SND1: variants seen among roughly 807,000 people sequenced by gnomAD.
The protein encoded by SND1 is staphylococcal nuclease and tudor domain containing 1.
In SND1, 38 loss-of-function variants were observed where a neutral mutation model predicts 121.7. The ratio of observed to expected loss-of-function variants is 0.31; its 90% confidence interval spans 0.24 to 0.41. The LOEUF (loss-of-function observed/expected upper bound fraction) is 0.41, where lower values mean the gene tolerates loss of function less well. Ranked by LOEUF, SND1 falls within the 10% of genes least tolerant of loss-of-function variation. The pLI, the probability that SND1 is intolerant of heterozygous loss-of-function variation, is 1.00. For synonymous variants in SND1, 401 were observed against 447.4 expected (o/e 0.90, Z 1.31); for missense variants, 868 against 1,184.6 (o/e 0.73, Z 3.92).
chr7:127,922,063 T>G (rs966162922), intron 14 of SND1, among the ~76,000 whole-genome samples: 1 of 151,872 alleles, frequency 6.6e-6, no homozygotes, highest in Admixed American at 6.6e-5. Context: ...CCATCACTGC[T>G]CACTGTAGCC....
chr7:127,936,333 T>G (rs1386355432), intron 15 of SND1, among the ~76,000 whole-genome samples: 1 of 152,184 alleles, frequency 6.6e-6, no homozygotes, highest in Non-Finnish European at 1.5e-5. Context: ...AGCCTGCATT[T>G]GTTAAAAAGC....
chr7:127,665,932 A>G (rs1053910200), intron 1 of SND1, among the ~76,000 whole-genome samples: 1 of 152,190 alleles, frequency 6.6e-6, no homozygotes, highest in African/African-American at 2.4e-5. Context: ...CCCGGTGTGT[A>G]AGGTAGAGGG....
chr7:128,089,836 G>GT lies in SND1; in HGVS notation c.2622+151dup, dbSNP rs566956545. The GT allele has an allele frequency of 2.5e-3, 1,906 of 747,516 alleles. 3 individuals carry two copies. The highest frequency in any genetic ancestry group is 3.8e-3 in the Admixed American group (133 of 34,884). 46.3% of individuals were successfully genotyped at this position (747,516 alleles called of 1,614,324 possible). On this transcript the variant is annotated intron_variant, in intron 22 of 23. Transcript: ENST00000354725. The stretch of plus-strand genomic sequence containing the variant: ...AGATAATGGATTTGGGTTTGTTGGT[G>GT]TTTTTTTGTTTTTGTTTTAAAGCTA...
At chr7:127,926,827 G>C (rs1196380569) in intron 14 of SND1, among the ~76,000 whole-genome samples, 1 of 151,578 alleles carries the variant, frequency 6.6e-6, no homozygotes, top group Non-Finnish European at 1.5e-5. Context: ...TCCTGACCTC[G>C]TGATTTGCCT....
intron 12 of SND1, among the ~76,000 whole-genome samples, chr7:127,849,592 C>T (rs1799128749): frequency 6.6e-6 from 1 of 152,154 alleles, no homozygotes. Flanking sequence ...CCTATTGTTT[C>T]CCATTATGTG....
At chr7:128,080,472 G>T (rs322827) in intron 17 of SND1, among the ~76,000 whole-genome samples, 57,178 of 152,078 alleles carry the variant, frequency 0.38, 11,185 homozygotes, top group African/African-American at 0.45. Context: ...TGGAGAAAGG[G>T]AAAGTTGCTG....
intron 15 of SND1, among the ~76,000 whole-genome samples, chr7:127,980,273 C>T (rs1242166921): frequency 3.4e-5 from 2 of 58,582 alleles, no homozygotes; most frequent in East Asian, 4.8e-4. Context: ...CCACTACGCC[C>T]GGCTAATTTT....
chr7:128,086,632 C>G (rs1194744030), intron 20 of SND1: 2 of 426,928 alleles, frequency 4.7e-6, no homozygotes, highest in Non-Finnish European at 8.7e-6. Context: ...GACAGAAGGG[C>G]ATTGGGAGGA....
At chr7:127,953,022 G>A (rs1801497365) in intron 15 of SND1, among the ~76,000 whole-genome samples, 1 of 152,062 alleles carries the variant, frequency 6.6e-6, no homozygotes, top group Admixed American at 6.6e-5. Context: ...AAATTAGCCA[G>A]ACATGGTGGT....
At chr7:128,060,845 C>A (rs1646806491) in intron 16 of SND1, among the ~76,000 whole-genome samples, 1 of 152,198 alleles carries the variant, frequency 6.6e-6, no homozygotes, top group Non-Finnish European at 1.5e-5. Flanking sequence ...CAAAGAGATT[C>A]TCTTTAAAAG....
chr7:127,959,572 G>A (rs1250862368), intron 15 of SND1, among the ~76,000 whole-genome samples: 1 of 152,144 alleles, frequency 6.6e-6, no homozygotes, highest in Non-Finnish European at 1.5e-5. Context: ...CTTAGGTTCA[G>A]TCCTTCTACT....
chr7:127,681,053 TATG>T (rs1336153277), intron 1 of SND1, among the ~76,000 whole-genome samples: 1 of 152,178 alleles, frequency 6.6e-6, no homozygotes. Context: ...CACAGGGTCA[TATG>T]ATAACTGTTT....
At chr7:127,981,388 C>T (rs1040137518) in intron 15 of SND1, among the ~76,000 whole-genome samples, 3 of 152,146 alleles carry the variant, frequency 2.0e-5, no homozygotes, top group Admixed American at 2.0e-4. Flanking sequence ...CAAAAATGAA[C>T]ATGGGCATTG....
rs766155572 is a variant in SND1, at chr7:128,081,359, G to A, written c.1969-1G>A. On this transcript the variant is annotated splice_acceptor_variant, in intron 17 of 23. Transcript: ENST00000354725. LOFTEE classifies it high-confidence loss of function. ...CTCACCTCTGCCGACTGAACATGCAGGTCTGGGCCCACTATGAGGAGCAGC... is the reference window on the plus strand; with the variant it reads ...CTCACCTCTGCCGACTGAACATGCAAGTCTGGGCCCACTATGAGGAGCAGC... 1 of 1,614,122 alleles carries A rather than the reference G, an allele frequency of 6.2e-7. No homozygotes were observed. Among genetic ancestry groups the A allele is most frequent in the Non-Finnish European group, 8.5e-7 (1 of 1,180,012 alleles).
Position 127,686,601 on chromosome 7 carries a change from C to T in SND1, c.79-12C>T, listed in dbSNP as rs1398466208. On this transcript the variant is annotated splice_polypyrimidine_tract_variant and intron_variant, in intron 1 of 23. Transcript: ENST00000354725. ...CTGGACCATTCATTTTCTCTTTCTT[C>T]CCCCTACGTAGGTCCTCTCAGGGTG... The T allele has an allele frequency of 1.2e-6, 2 of 1,610,924 alleles. No individual in the cohort carries two copies. Among genetic ancestry groups the T allele is most frequent in the African/African-American group, 1.3e-5 (1 of 74,956 alleles).
chr7:127,748,260 A>G (rs1301863901), intron 10 of SND1, among the ~76,000 whole-genome samples: 1 of 152,174 alleles, frequency 6.6e-6, no homozygotes, highest in Non-Finnish European at 1.5e-5. Flanking sequence ...GATTCCACAC[A>G]AACGGTGATA....
chr7:127,999,881 T>C (rs2116930944), intron 16 of SND1: 1 of 152,244 alleles, frequency 6.6e-6, no homozygotes, highest in Admixed American at 6.5e-5. Flanking sequence ...GCCTATGACC[T>C]AGAATAAATG....
intron 12 of SND1, among the ~76,000 whole-genome samples, chr7:127,852,163 A>AAAAATAAAATAAAATAAAT (rs1204568382): frequency 1.5e-5 from 2 of 133,904 alleles, no homozygotes; most frequent in African/African-American, 2.5e-5. Flanking sequence ...CAGTCTCCAA[A>AAAAATAAAATAAAATAAAT]AAAATAAAAT....
intron 11 of SND1, among the ~76,000 whole-genome samples, chr7:127,832,595 A>G (rs1242440521): frequency 1.3e-5 from 2 of 152,230 alleles, no homozygotes; most frequent in African/African-American, 4.8e-5. Context: ...AAATTTGTCA[A>G]TTTTATAGGA....
Sources: gnomAD v4.1 joint callset for allele counts (sites outside exome capture counted in the v4.1 genomes callset) on GRCh38, gnomAD v4.1.1 for gene constraint, MANE v1.5 for transcripts, NCBI Gene and HGNC (gene_info 2026-07-23, HGNC 2026-07-21) for gene names.